TMEM135: variants seen among roughly 807,000 people sequenced by gnomAD.
TMEM135 encodes transmembrane protein 135, also known as peroxisomal membrane protein 52.
In TMEM135, 30 loss-of-function variants were observed where a neutral mutation model predicts 60.3. The observed-to-expected ratio is 0.50, with a 90% CI of 0.37 to 0.68. The LOEUF (loss-of-function observed/expected upper bound fraction) is 0.68. Among genes scored for constraint, TMEM135 ranks in the 30% least tolerant of loss-of-function variants. TMEM135 has a pLI of 0.00. For synonymous variants in TMEM135, 190 were observed against 186.7 expected, an observed-to-expected ratio of 1.02 and a Z score of -0.14; for missense variants, 468 against 548.8, an observed-to-expected ratio of 0.85 and a Z score of 1.47.
intron 9 of TMEM135, 36 bp downstream of exon 9, chr11:87,306,041 G>A (rs766224225): frequency 7.3e-6 from 9 of 1,232,072 alleles, no homozygotes; most frequent in Admixed American, 5.7e-5. Context: ...ATTAACAGTA[G>A]GGAATGGGTA....
chr11:87,263,315 A>G (rs1469114391), intron 6 of TMEM135, among the ~76,000 whole-genome samples: 2 of 152,172 alleles, frequency 1.3e-5, no homozygotes, highest in African/African-American at 2.4e-5. Flanking sequence ...TTTTGAAAAT[A>G]TTTGCTAAAT....
Position 87,153,211 on chromosome 11 carries a change from G to C in TMEM135, c.397-4130G>C, listed in dbSNP as rs7930315. 1.6e-3 allele frequency among the ~76,000 whole-genome samples: 246 copies of C among 152,204 alleles called. 2 individuals carry two copies. The highest frequency in any genetic ancestry group is 5.6e-3 in the African/African-American group (232 of 41,526). ...AAATAAAAGCACATATTGAACAGAG[G>C]AACATGCACCCTATTCTTGTCTCAG... On this transcript the variant is annotated intron_variant, in intron 4 of 14. Coordinates refer to ENST00000305494, the MANE Select transcript of TMEM135 (RefSeq NM_022918.4).
chr11:87,316,799 G>A (rs1451459813), intron 12 of TMEM135, among the ~76,000 whole-genome samples: 1 of 151,766 alleles, frequency 6.6e-6, no homozygotes, highest in Admixed American at 6.6e-5. Flanking sequence ...GCAAGGAATG[G>A]TATCTCTCTG....
intron 6 of TMEM135, among the ~76,000 whole-genome samples, chr11:87,262,112 T>G (rs1318612970): frequency 6.6e-6 from 1 of 152,000 alleles, no homozygotes; most frequent in Non-Finnish European, 1.5e-5. Flanking sequence ...ATTTAAACCT[T>G]CTCAACAGAC....
intron 6 of TMEM135, chr11:87,259,145 C>G: frequency 1.5e-6 from 1 of 682,708 alleles, no homozygotes; most frequent in South Asian, 1.5e-5. Context: ...GTCTCTCCGA[C>G]CAGGTCTCAT....
At position 87,252,081 on chromosome 11, in the gene TMEM135, G is replaced by C. The variant is rs76364229; in HGVS notation, c.509+15397G>C. 3.7e-3 allele frequency among the ~76,000 whole-genome samples: 570 copies of C among 152,246 alleles called. 34 individuals carry two copies. In the East Asian group the frequency reaches 0.093, roughly 25 times the overall value. The stretch of plus-strand genomic sequence containing the variant: ...AAACTCAAGAAGCTTGAGAGAAAAA[G>C]ATAGGGCCATTTGCTAGAGGATTAA... On this transcript the variant is annotated intron_variant, in intron 6 of 14. Coordinates refer to ENST00000305494, the MANE Select transcript of TMEM135 (RefSeq NM_022918.4).
At chr11:87,239,938 A>G (rs563950069) in intron 6 of TMEM135, among the ~76,000 whole-genome samples, 2 of 152,224 alleles carry the variant, frequency 1.3e-5, no homozygotes, top group African/African-American at 4.8e-5. Flanking sequence ...TAGTTTTTTA[A>G]TAGTTATTTT....
At position 87,324,448 on chromosome 11, in the gene TMEM135, G is replaced by A. The variant is rs1471098459; in HGVS notation, c.*3115G>A. 4 of 453,604 alleles carry A rather than the reference G, an allele frequency of 8.8e-6. No homozygotes were observed. Among genetic ancestry groups the A allele is most frequent in the South Asian group, 4.7e-5 (3 of 64,460 alleles). 28.1% of individuals were successfully genotyped at this position (453,604 alleles called of 1,614,324 possible). A position where few individuals can be genotyped will look rare whatever the true frequency, so the allele number is the denominator to read the frequency against. On this transcript the variant is annotated 3_prime_UTR_variant, in exon 15 of 15. Coordinates refer to ENST00000305494, the MANE Select transcript of TMEM135 (RefSeq NM_022918.4). ...TTATTTTTTTATTTTTTGAGTTGAG[G>A]TCTAGCTCTGTTGCCCGGGTTGGAG...
At chr11:87,181,822 C>T (rs1423357392) in intron 5 of TMEM135, among the ~76,000 whole-genome samples, 1 of 152,026 alleles carries the variant, frequency 6.6e-6, no homozygotes, top group Admixed American at 6.6e-5. Context: ...AATGATTTCA[C>T]CTGGCATATT....
At chr11:87,303,360 C>T (rs1466328859) in intron 8 of TMEM135, among the ~76,000 whole-genome samples, 1 of 152,156 alleles carries the variant, frequency 6.6e-6, no homozygotes, top group Non-Finnish European at 1.5e-5. Context: ...TCCAGCCACC[C>T]AGTCAGTGGA....
rs1942606345 is a variant in TMEM135 at position 87,309,522 on chromosome 11, T to C, written c.786T>C (p.Phe262=). The C allele has an allele frequency of 6.2e-7, 1 of 1,613,694 alleles. No individual in the cohort carries two copies. The highest frequency in any genetic ancestry group is 8.5e-7 in the Non-Finnish European group (1 of 1,179,764). The change falls in exon 10 of 15, where the codon TTT becomes TTC. Residue 262 remains phenylalanine (F), a synonymous_variant. Coordinates refer to ENST00000305494, the MANE Select transcript of TMEM135 (RefSeq NM_022918.4). ...TCCTCTAGGGTTTCATCAGAATGTT[T>C]AGCGTGGGGTACTTGATCCAGTGCT... ...SYCIKGFIRM[F]SVGYLIQCCL...
chr11:87,207,692 G>C (rs1940267240), intron 5 of TMEM135, among the ~76,000 whole-genome samples: 1 of 152,100 alleles, frequency 6.6e-6, no homozygotes, highest in African/African-American at 2.4e-5. Context: ...ATTTTCTATT[G>C]CTATAATAGA....
At chr11:87,086,538 C>A (rs1465722437) in intron 3 of TMEM135, among the ~76,000 whole-genome samples, 1 of 151,966 alleles carries the variant, frequency 6.6e-6, no homozygotes, top group African/African-American at 2.4e-5. Context: ...GGGGTGGTCC[C>A]CCACCCCCAC....
intron 4 of TMEM135, among the ~76,000 whole-genome samples, chr11:87,109,669 AGGG>A (rs1205043984): frequency 6.6e-6 from 1 of 152,218 alleles, no homozygotes; most frequent in African/African-American, 2.4e-5. Context: ...CCATGGATAA[AGGG>A]GGACTATTAT....
chr11:87,157,680 T>C, intron 5 of TMEM135: 2 of 334,020 alleles, frequency 6.0e-6, no homozygotes, highest in East Asian at 6.7e-5. Flanking sequence ...CTTCTACAAA[T>C]GTTTGTAATG....
chr11:87,087,358 A>G (rs992596952), intron 3 of TMEM135, among the ~76,000 whole-genome samples: 1 of 151,566 alleles, frequency 6.6e-6, no homozygotes, highest in African/African-American at 2.4e-5. Flanking sequence ...CAGGAGTTGC[A>G]GGATAATTGC....
At chr11:87,038,629 T>A (rs1358384574) in intron 1 of TMEM135, among the ~76,000 whole-genome samples, 12 of 122,016 alleles carry the variant, frequency 9.8e-5, no homozygotes, top group African/African-American at 3.3e-4. Context: ...TTTTTTTTTT[T>A]AATGAAGAAG....
At chr11:87,231,771 G>C (rs1565494839) in intron 5 of TMEM135, among the ~76,000 whole-genome samples, 1 of 152,028 alleles carries the variant, frequency 6.6e-6, no homozygotes, top group Non-Finnish European at 1.5e-5. Context: ...CAAAAAGTTA[G>C]AGATATGGAA....
intron 6 of TMEM135, among the ~76,000 whole-genome samples, chr11:87,292,153 G>A (rs1033005954): frequency 2.6e-5 from 4 of 152,072 alleles, no homozygotes; most frequent in Admixed American, 1.3e-4. Flanking sequence ...TTTACCTCTC[G>A]GAGAGGCTCT....
Sources: allele counts gnomAD v4.1 joint callset (sites outside exome capture counted in the v4.1 genomes callset), GRCh38; gene constraint gnomAD v4.1.1; transcripts MANE v1.5; gene names NCBI Gene and HGNC (gene_info 2026-07-23, HGNC 2026-07-21).